SCN9A: variants seen among roughly 807,000 people sequenced by gnomAD.
SCN9A encodes sodium voltage-gated channel alpha subunit 9, also known as sodium channel protein type 9 subunit alpha.
A neutral mutation model predicts 187.0 loss-of-function variants in SCN9A; 131 were observed. The observed-to-expected ratio is 0.70, with a 90% CI of 0.61 to 0.81. The LOEUF (loss-of-function observed/expected upper bound fraction) is 0.81, where lower values mean the gene tolerates loss of function less well. SCN9A is among the 30% of genes least tolerant of loss of function. The pLI is 0.00. For synonymous variants in SCN9A, 809 were observed against 808.6 expected (o/e 1.00, Z -0.01); for missense variants, 2,252 against 2,396.6 (o/e 0.94, Z 1.26).
intron 1 of SCN9A, among the ~76,000 whole-genome samples, chr2:166,340,908 C>T (rs1169114473): frequency 6.6e-6 from 1 of 152,096 alleles, no homozygotes; most frequent in Admixed American, 6.6e-5. Flanking sequence ...CAGGCATGAG[C>T]CGTCCTGCCT....
intron 18 of SCN9A, among the ~76,000 whole-genome samples, chr2:166,245,503 A>G (rs766440061): frequency 9.9e-5 from 15 of 151,892 alleles, no homozygotes; most frequent in Non-Finnish European, 1.3e-4. Flanking sequence ...GAAGTGATAA[A>G]CAGAGCTATG....
At chr2:166,318,738 C>T (rs1699169152) in intron 1 of SCN9A, among the ~76,000 whole-genome samples, 1 of 152,052 alleles carries the variant, frequency 6.6e-6, no homozygotes, top group Non-Finnish European at 1.5e-5. Flanking sequence ...AATGGGGCAC[C>T]AGTGAGCATT....
At chr2:166,341,708 T>C (rs1682972350) in intron 1 of SCN9A, among the ~76,000 whole-genome samples, 1 of 152,216 alleles carries the variant, frequency 6.6e-6, no homozygotes, top group Admixed American at 6.5e-5. Context: ...AGATTTCCTA[T>C]AATTAGTTGC....
chr2:166,369,777 T>G (rs927210313), intron 1 of SCN9A, among the ~76,000 whole-genome samples: 1 of 152,218 alleles, frequency 6.6e-6, no homozygotes, highest in Non-Finnish European at 1.5e-5. Flanking sequence ...AAAGATACAC[T>G]GTCTATTAGA....
chr2:166,245,073 T>A (rs1005340673), intron 18 of SCN9A, among the ~76,000 whole-genome samples: 1 of 152,082 alleles, frequency 6.6e-6, no homozygotes, highest in Non-Finnish European at 1.5e-5. Context: ...TTCTGACATA[T>A]AGCTTCTTCA....
Position 166,311,542 on chromosome 2 carries a change from G to A in SCN9A, c.215C>T (p.Ser72Leu), listed in dbSNP as rs745418676. The change falls in exon 2 of 27, where the codon TCA (serine) becomes TTA (leucine). Residue 72 changes from serine (S) to leucine (L), a missense_variant. By Grantham distance (145) the Ser-to-Leu change is moderately radical (BLOSUM62 -2). This residue lies in a region of SCN9A where 1,013 missense variants were observed against 997.4 expected (regional missense o/e 1.02). Transcript: ENST00000642356. ...GGGGTCCAAGTCCTCCAGGGGCTCT[G>A]ACACCATGCCGGGAGGAATGTCCCC... ...IYGDIPPGMV[S>L]EPLEDLDPYY... The A allele has an allele frequency of 1.2e-6, 2 of 1,612,470 alleles. No homozygotes were observed. The highest frequency in any genetic ancestry group is 1.7e-6 in the Non-Finnish European group (2 of 1,179,356).
chr2:166,300,807 G>T (rs921917105), intron 7 of SCN9A: 1 of 150,834 alleles, frequency 6.6e-6, no homozygotes, highest in Non-Finnish European at 1.5e-5. Flanking sequence ...CAGGATTGTG[G>T]TATAAGATTC....
At chr2:166,328,382 T>C (rs1699417828) in intron 1 of SCN9A, among the ~76,000 whole-genome samples, 1 of 152,158 alleles carries the variant, frequency 6.6e-6, no homozygotes, top group Non-Finnish European at 1.5e-5. Context: ...ACTCATTGGT[T>C]ATTTTTCCTG....
chr2:166,355,471 A>T (rs1288517996), intron 1 of SCN9A, among the ~76,000 whole-genome samples: 1 of 151,666 alleles, frequency 6.6e-6, no homozygotes, highest in Admixed American at 6.6e-5. Flanking sequence ...TCTTTTTTCT[A>T]TTGAAATATT....
At chr2:166,288,093 T>TTA (rs72083111) in intron 10 of SCN9A, among the ~76,000 whole-genome samples, 1,562 of 134,808 alleles carry the variant, frequency 0.012, 12 homozygotes, top group South Asian at 0.032. Flanking sequence ...TTCCATGTGT[T>TTA]TATATATATA....
chr2:166,338,662 T>C (rs6715470), intron 1 of SCN9A, among the ~76,000 whole-genome samples: 70,527 of 151,506 alleles, frequency 0.47, 19,265 homozygotes, highest in African/African-American at 0.78. Context: ...TTAAATTACA[T>C]CATTTTTTAT....
intron 1 of SCN9A, among the ~76,000 whole-genome samples, chr2:166,374,680 T>C (rs1434273454): frequency 6.6e-6 from 1 of 151,936 alleles, no homozygotes; most frequent in East Asian, 1.9e-4. Context: ...AGAAAGAAAA[T>C]CTTTATCTTG....
intron 2 of SCN9A, among the ~76,000 whole-genome samples, chr2:166,310,483 C>CA (rs1246388066): frequency 2.3e-5 from 2 of 85,338 alleles, no homozygotes; most frequent in South Asian, 7.0e-4. Flanking sequence ...TTTATGCAGC[C>CA]AAAAAACACA....
At chr2:166,366,570 A>T (rs1364759371) in intron 1 of SCN9A, among the ~76,000 whole-genome samples, 2 of 152,210 alleles carry the variant, frequency 1.3e-5, no homozygotes, top group Non-Finnish European at 2.9e-5. Flanking sequence ...GAACTTCCAT[A>T]TTATTTTCCA....
intron 18 of SCN9A, among the ~76,000 whole-genome samples, chr2:166,247,523 A>G (rs987006560): frequency 6.6e-6 from 1 of 152,062 alleles, no homozygotes. Context: ...TATTATTACC[A>G]TTATTATTTT....
At chr2:166,292,921 T>C (rs546401810) in intron 9 of SCN9A, among the ~76,000 whole-genome samples, 2 of 152,242 alleles carry the variant, frequency 1.3e-5, no homozygotes, top group Admixed American at 1.3e-4. Flanking sequence ...AAACAGTCCA[T>C]GTGCAGGAGC....
intron 1 of SCN9A, among the ~76,000 whole-genome samples, chr2:166,358,085 T>TA (rs201649913): frequency 6.9e-6 from 1 of 145,234 alleles, no homozygotes; most frequent in African/African-American, 2.6e-5. Flanking sequence ...TTTATTTATT[T>TA]TGAGATGGAG....
rs1159798728 is a variant in SCN9A, at chr2:166,196,135, A to G, written c.*2537T>C. On this transcript the variant is annotated 3_prime_UTR_variant, in exon 27 of 27. Transcript: ENST00000642356. ...CTGCCTTTCTGTATTGTTGGGTGTA[A>G]TAAGTTCAGCGATTATAAAATTTAA... The G allele has an allele frequency of 6.6e-6, 1 of 152,096 alleles. No homozygotes were observed. Among genetic ancestry groups the G allele is most frequent in the African/African-American group, 2.4e-5 (1 of 41,430 alleles). The allele number at this position is 152,096 out of a possible 1,614,324, so 9.4% of individuals were successfully genotyped here. A position where few individuals can be genotyped will look rare whatever the true frequency, so the allele number is the denominator to read the frequency against.
intron 17 of SCN9A, among the ~76,000 whole-genome samples, chr2:166,269,341 C>T (rs1696876020): frequency 6.6e-6 from 1 of 151,992 alleles, no homozygotes; most frequent in Non-Finnish European, 1.5e-5. Flanking sequence ...TGACAACACA[C>T]CTTCATCTGC....
Sources: gnomAD v4.1 joint callset for allele counts (sites outside exome capture counted in the v4.1 genomes callset) on GRCh38, gnomAD v4.1.1 for gene constraint, gnomAD v4.1.1 regional missense constraint, MANE v1.5 for transcripts, NCBI Gene and HGNC (gene_info 2026-07-23, HGNC 2026-07-21) for gene names.